Variants in DCDC1 observed in about 807,000 individuals in gnomAD.
DCDC1 encodes the protein doublecortin domain containing 1, also known as doublecortin domain-containing protein 1.
In DCDC1, 200 loss-of-function variants were observed where a neutral mutation model predicts 178.3. The observed-to-expected ratio is 1.12, with a 90% CI of 1.00 to 1.26. The LOEUF (loss-of-function observed/expected upper bound fraction) is 1.26, where lower values mean the gene tolerates loss of function less well. Ranked by LOEUF, DCDC1 falls within the 50% of genes most tolerant of loss-of-function variation. The pLI, the probability that DCDC1 is intolerant of heterozygous loss-of-function variation, is 0.00. For synonymous variants in DCDC1, 690 were observed against 604.8 expected (o/e 1.14, Z -2.07); for missense variants, 1,983 against 1,749.2 (o/e 1.13, Z -2.38).
At chr11:31,007,676 T>C (rs1951929560) in intron 20 of DCDC1, among the ~76,000 whole-genome samples, 1 of 152,138 alleles carries the variant, frequency 6.6e-6, no homozygotes, top group Non-Finnish European at 1.5e-5. Context: ...TTTTTTCTTT[T>C]TTTTTGAGAC....
chr11:31,106,609 GAT>G (rs538208223), intron 13 of DCDC1, among the ~76,000 whole-genome samples, 186 bp downstream of exon 13: 82 of 152,304 alleles, frequency 5.4e-4, no homozygotes, highest in African/African-American at 1.9e-3. Flanking sequence ...CACAGACAGA[GAT>G]AGAGAGAGAG....
rs770107856 is a variant in DCDC1 at position 30,906,520 on chromosome 11, G to A, written c.4104+20C>T. On this transcript the variant is annotated intron_variant, in intron 30 of 38. Transcript: ENST00000684477. ...AATTGTTGCCATACATGCATTAGCA[G>A]AGCTCAGATCATTACATACCTCAGC... The A allele has an allele frequency of 2.5e-6, 4 of 1,603,684 alleles. 1 individual carries two copies. In the South Asian group the frequency reaches 4.5e-5, roughly 18 times the overall value.
chr11:31,286,348 T>C (rs532175114), intron 7 of DCDC1, among the ~76,000 whole-genome samples: 149 of 152,172 alleles, frequency 9.8e-4, no homozygotes, highest in African/African-American at 3.1e-3. Flanking sequence ...TCTGTTCTCT[T>C]TGAAGTAAGT....
At position 31,065,025 on chromosome 11, in the gene DCDC1, T is replaced by C; in HGVS notation, c.2427A>G (p.Ala809=). ...TCTGGCTCCCTACACTGACCTCTTC[T>C]GCTAAGTTTCTGCCATGTTCCTGAT... ...TAHQEHGRNL[A]EEVLQESASN... Residue 809 remains alanine (A), a synonymous_variant, in exon 19 of 39, where the codon GCA becomes GCG. Coordinates refer to ENST00000684477, the MANE Select transcript of DCDC1 (RefSeq NM_001387274.1). The C allele has an allele frequency of 1.3e-6, 1 of 760,544 alleles. No individual in the cohort carries two copies. The highest frequency in any genetic ancestry group is 2.4e-6 in the Non-Finnish European group (1 of 416,092). The allele number at this position is 760,544 out of a possible 1,614,324, so 47.1% of individuals were successfully genotyped here.
chr11:31,361,640 C>T (rs1193721253), intron 1 of DCDC1, among the ~76,000 whole-genome samples: 1 of 152,066 alleles, frequency 6.6e-6, no homozygotes, highest in Non-Finnish European at 1.5e-5. Flanking sequence ...ACCACCACAC[C>T]CGGCTAATTT....
intron 9 of DCDC1, among the ~76,000 whole-genome samples, chr11:31,226,053 A>G (rs1365783649): frequency 6.6e-6 from 1 of 152,108 alleles, no homozygotes; most frequent in East Asian, 1.9e-4. Context: ...ATACTTAAGG[A>G]ACCACGCTGA....
chr11:30,893,037 T>C, intron 35 of DCDC1, 40 bp from the exon 36 acceptor site: 1 of 1,605,894 alleles, frequency 6.2e-7, no homozygotes, highest in African/African-American at 1.3e-5. Flanking sequence ...TTTAGAGAAC[T>C]GTCTGGATAG....
intron 7 of DCDC1, among the ~76,000 whole-genome samples, chr11:31,288,056 C>T (rs1185167478): frequency 4.0e-5 from 6 of 151,706 alleles, no homozygotes; most frequent in African/African-American, 1.2e-4. Context: ...AAAAATTAAA[C>T]ATTTTTCATA....
chr11:31,100,756 T>G (rs772473443), intron 15 of DCDC1, among the ~76,000 whole-genome samples: 1 of 152,168 alleles, frequency 6.6e-6, no homozygotes, highest in East Asian at 1.9e-4. Context: ...TGGGGATCAA[T>G]GAAGTCCAGA....
intron 9 of DCDC1, among the ~76,000 whole-genome samples, chr11:31,209,680 T>G (rs1177565054): frequency 1.3e-5 from 2 of 152,042 alleles, no homozygotes; most frequent in Non-Finnish European, 2.9e-5. Flanking sequence ...CAAAAGTCAT[T>G]TAAGGGGTTG....
chr11:31,094,207 C>G, intron 15 of DCDC1, 23 bp from the exon 16 acceptor site: 1 of 765,216 alleles, frequency 1.3e-6, no homozygotes, highest in South Asian at 1.3e-5. Context: ...AAGAAGTATG[C>G]ATTTTTAACT....
At chr11:31,252,919 T>C (rs934137454) in intron 8 of DCDC1, among the ~76,000 whole-genome samples, 1 of 152,064 alleles carries the variant, frequency 6.6e-6, no homozygotes, top group Admixed American at 6.6e-5. Flanking sequence ...AAGTGAGATT[T>C]TGGTGATCAC....
At chr11:31,230,891 T>A (rs2136774316) in intron 9 of DCDC1, among the ~76,000 whole-genome samples, 1 of 151,850 alleles carries the variant, frequency 6.6e-6, no homozygotes, top group Non-Finnish European at 1.5e-5. Context: ...TTTACATCAA[T>A]AATTATCCAT....
At chr11:30,977,197 G>A (rs1334002947) in intron 20 of DCDC1, among the ~76,000 whole-genome samples, 2 of 150,920 alleles carry the variant, frequency 1.3e-5, no homozygotes, top group Non-Finnish European at 2.9e-5. Context: ...GGGGATTGTG[G>A]GGGATGAACA....
chr11:31,275,714 G>C (rs1591615131), intron 7 of DCDC1, among the ~76,000 whole-genome samples: 1 of 152,300 alleles, frequency 6.6e-6, no homozygotes, highest in East Asian at 1.9e-4. Context: ...ATGTTGGTCA[G>C]GCTGGTCTTG....
intron 1 of DCDC1, among the ~76,000 whole-genome samples, chr11:31,343,399 C>T (rs765309985): frequency 1.3e-5 from 2 of 152,106 alleles, no homozygotes; most frequent in Non-Finnish European, 2.9e-5. Context: ...CCCCACCTCC[C>T]AGGTTCAAGT....
intron 8 of DCDC1, among the ~76,000 whole-genome samples, chr11:31,260,355 G>A (rs10835757): frequency 0.3 from 45,104 of 151,970 alleles, 8,129 homozygotes; most frequent in East Asian, 0.63. Context: ...GTTGATAATG[G>A]GCAAGAGCTA....
At chr11:31,120,632 T>C (rs1287280915) in intron 11 of DCDC1, among the ~76,000 whole-genome samples, 1 of 152,070 alleles carries the variant, frequency 6.6e-6, no homozygotes, top group Non-Finnish European at 1.5e-5. Context: ...TGGCAGCAAA[T>C]AGAAAACAAC....
intron 9 of DCDC1, among the ~76,000 whole-genome samples, chr11:31,153,286 G>A (rs183781734): frequency 2.2e-4 from 33 of 151,974 alleles, no homozygotes; most frequent in Admixed American, 9.2e-4. Flanking sequence ...TTGCCCTTAC[G>A]CTATGTCATA....
Sources: allele counts gnomAD v4.1 joint callset (sites outside exome capture counted in the v4.1 genomes callset), GRCh38; gene constraint gnomAD v4.1.1; transcripts MANE v1.5; gene names NCBI Gene and HGNC (gene_info 2026-07-23, HGNC 2026-07-21).